The following KLHL4 variants were observed in gnomAD, a reference collection of about 807,000 sequenced individuals.
KLHL4 encodes the protein kelch-like protein 4.
KLHL4 carries 17 observed loss-of-function variants against 45.8 expected under a neutral mutation model. The observed-to-expected ratio is 0.37, with a 90% CI of 0.25 to 0.56. The LOEUF (loss-of-function observed/expected upper bound fraction) is 0.56. KLHL4 is among the 20% of genes least tolerant of loss of function. The pLI is 0.79. For synonymous variants in KLHL4, 224 were observed against 189.9 expected (o/e 1.18, Z -1.47); for missense variants, 544 against 544.9 (o/e 1.00, Z 0.02).
intron 1 of KLHL4, among the ~76,000 whole-genome samples, chrX:87,559,910 G>A (rs1448680817): frequency 9.0e-6 from 1 of 111,508 alleles, no homozygotes; most frequent in African/African-American, 3.3e-5. Flanking sequence ...AAGCCATAAT[G>A]TATTCTGTAA....
intron 1 of KLHL4, among the ~76,000 whole-genome samples, chrX:87,556,787 C>G (rs1312905546): frequency 1.8e-5 from 2 of 110,455 alleles, no homozygotes; most frequent in Admixed American, 2.0e-4. Flanking sequence ...TGCCATATCA[C>G]ATGGCAGAGT....
intron 1 of KLHL4, among the ~76,000 whole-genome samples, chrX:87,569,999 C>T (rs1405794940): frequency 2.7e-5 from 3 of 111,192 alleles, no homozygotes; most frequent in Non-Finnish European, 5.7e-5. Flanking sequence ...AATTTTACCA[C>T]AATAACAATT....
intron 1 of KLHL4, among the ~76,000 whole-genome samples, chrX:87,579,561 A>G (rs925721419): frequency 1.8e-5 from 2 of 111,794 alleles, no homozygotes; most frequent in African/African-American, 6.5e-5. Context: ...TAAAAAGTCT[A>G]GGAGAGAGAA....
Position 87,666,779 on chromosome X carries a change from A to G in KLHL4, c.*245A>G, listed in dbSNP as rs1480534871. On this transcript the variant is annotated 3_prime_UTR_variant, in exon 11 of 11. Coordinates refer to ENST00000373119, the MANE Select transcript of KLHL4 (RefSeq NM_019117.5). Reference sequence around the variant, plus strand: ...AGCTGATAATATAAAAGGAAATCCCACAGTCTAGATATAGCCCCATTACTA... The same window carrying G: ...AGCTGATAATATAAAAGGAAATCCCGCAGTCTAGATATAGCCCCATTACTA... The G allele has an allele frequency of 3.3e-6, 3 of 904,063 alleles. No individual in the cohort carries two copies. The highest frequency in any genetic ancestry group is 5.9e-5 in the Admixed American group (1 of 16,865). The allele number at this position is 904,063 out of a possible 1,213,427, so 74.5% of individuals were successfully genotyped here.
chrX:87,530,104 T>C (rs1931217603), intron 1 of KLHL4, among the ~76,000 whole-genome samples: 1 of 111,195 alleles, frequency 9.0e-6, no homozygotes, highest in Admixed American at 9.6e-5. Flanking sequence ...TTTCTTTTGC[T>C]GTGCAGAAGC....
intron 9 of KLHL4, among the ~76,000 whole-genome samples, chrX:87,643,557 A>G (rs952470169): frequency 2.7e-5 from 3 of 111,811 alleles, no homozygotes; most frequent in African/African-American, 9.8e-5. Context: ...AATTCATTCT[A>G]TGAAGCCAGC....
Position 87,668,581 on chromosome X carries a change from TGA to T in KLHL4, c.*2051_*2052del. 1 of 502,211 alleles carries T rather than the reference TGA, an allele frequency of 2.0e-6. No individual in the cohort carries two copies. The highest frequency in any genetic ancestry group is 2.4e-6 in the Non-Finnish European group (1 of 409,272). 41.4% of individuals were successfully genotyped at this position (502,211 alleles called of 1,213,427 possible). ...AACTTAACTCCTAATGTAGCAGTAC[TGA>T]GAGGCAGGGCCCTTAAGAGGTGATT... is the stretch of plus-strand genomic sequence containing the variant. On this transcript the variant is annotated 3_prime_UTR_variant, in exon 11 of 11. Transcript: ENST00000373119.
At chrX:87,604,379 G>A (rs998388608) in intron 1 of KLHL4, among the ~76,000 whole-genome samples, 2 of 110,920 alleles carry the variant, frequency 1.8e-5, no homozygotes, top group Admixed American at 1.9e-4. Context: ...TTATAATCAT[G>A]CCAACAGTGT....
At chrX:87,578,273 T>TA (rs1356641315) in intron 1 of KLHL4, among the ~76,000 whole-genome samples, 1 of 111,818 alleles carries the variant, frequency 8.9e-6, no homozygotes, top group Non-Finnish European at 1.9e-5. Context: ...ATAAAATATA[T>TA]TTTCCTCATT....
At chrX:87,530,191 C>A (rs1931220926) in intron 1 of KLHL4, among the ~76,000 whole-genome samples, 1 of 110,108 alleles carries the variant, frequency 9.1e-6, no homozygotes, top group Non-Finnish European at 1.9e-5. Context: ...ACATGAAGTC[C>A]TTGCCCATGC....
intron 1 of KLHL4, among the ~76,000 whole-genome samples, chrX:87,536,411 T>C (rs976636306): frequency 1.8e-5 from 2 of 111,449 alleles, no homozygotes; most frequent in African/African-American, 6.5e-5. Context: ...GAAATTCCCT[T>C]TGTCATCCCT....
intron 9 of KLHL4, among the ~76,000 whole-genome samples, chrX:87,642,174 G>A (rs1203724119): frequency 1.8e-5 from 2 of 110,423 alleles, no homozygotes; most frequent in African/African-American, 6.6e-5. Flanking sequence ...AGAGGCACTG[G>A]TATCCATGTT....
At chrX:87,649,420 G>A (rs1602464257) in intron 9 of KLHL4, among the ~76,000 whole-genome samples, 2 of 111,271 alleles carry the variant, frequency 1.8e-5, no homozygotes. Flanking sequence ...CTGGAAATTA[G>A]TCCCTTATCA....
Position 87,635,551 on chromosome X carries a change from CT to C in KLHL4, c.1713-7del. 1 of 1,186,726 alleles carries C rather than the reference CT, an allele frequency of 8.4e-7. No individual in the cohort carries two copies. Among genetic ancestry groups the C allele is most frequent in the Non-Finnish European group, 1.1e-6 (1 of 874,202 alleles). ...CACATATACATACACACAATTCTGTCTTTTTATCTAGATTATATGCTATTGG... is the reference window on the plus strand; with the variant it reads ...CACATATACATACACACAATTCTGTCTTTTATCTAGATTATATGCTATTGG... On this transcript the variant is annotated splice_polypyrimidine_tract_variant and intron_variant, in intron 8 of 10. Coordinates refer to ENST00000373119, the MANE Select transcript of KLHL4 (RefSeq NM_019117.5).
At chrX:87,554,785 T>G (rs1931929528) in intron 1 of KLHL4, among the ~76,000 whole-genome samples, 2 of 100,763 alleles carry the variant, frequency 2.0e-5, no homozygotes, top group African/African-American at 7.3e-5. Context: ...AGGGCATCCC[T>G]GTCTTGTGCC....
chrX:87,635,672 G>A lies in KLHL4; in HGVS notation c.1822G>A (p.Gly608Arg). ...SLCAPMSKRR[G>R]GVGVATYNGF... Reference sequence around the variant, plus strand: ...GTGTGCTCCAATGTCCAAAAGACGTGGAGGTGTGGGAGTTGCCACATACAA... The same window carrying A: ...GTGTGCTCCAATGTCCAAAAGACGTAGAGGTGTGGGAGTTGCCACATACAA... Residue 608 changes from glycine to arginine, a missense_variant, in exon 9 of 11, where the codon GGA becomes AGA. Physicochemically the swap from Gly to Arg is moderately radical, Grantham distance 125. Transcript: ENST00000373119. The A allele has an allele frequency of 2.5e-6, 3 of 1,209,425 alleles. No homozygotes were observed. The highest frequency in any genetic ancestry group is 1.7e-5 in the African/African-American group (1 of 57,838).
chrX:87,566,819 GA>G lies in KLHL4; in HGVS notation c.423-47052del, dbSNP rs1241914606. ...ATGAAATAAGTCATATTAATATAAT[GA>G]AAAAAGATCATTACAATCTCTATGC... On this transcript the variant is annotated intron_variant, in intron 1 of 10. Coordinates refer to ENST00000373119, the MANE Select transcript of KLHL4 (RefSeq NM_019117.5). 3.6e-5 allele frequency among the ~76,000 whole-genome samples: 4 copies of G among 111,272 alleles called. No individual in the cohort carries two copies. The East Asian group carries it at 1.1e-3, about 32-fold the overall frequency.
In KLHL4 at chrX:87,591,970, T is replaced by A. The variant is rs143316650; in HGVS notation, c.423-21907T>A. On this transcript the variant is annotated intron_variant, in intron 1 of 10. Coordinates refer to ENST00000373119, the MANE Select transcript of KLHL4 (RefSeq NM_019117.5). ...GATATTAACTCTATGAAACTATATT[T>A]TTGTGCCCATTAACCATCCAAACTT... 1.3e-4 allele frequency among the ~76,000 whole-genome samples: 14 copies of A among 110,991 alleles called. No homozygotes were observed. The East Asian group carries it at 4.0e-3, about 32-fold the overall frequency.
intron 1 of KLHL4, among the ~76,000 whole-genome samples, chrX:87,562,661 C>G (rs948451849): frequency 9.0e-6 from 1 of 110,798 alleles, no homozygotes; most frequent in African/African-American, 3.3e-5. Flanking sequence ...CGTGCCATCT[C>G]TAGACACACC....
Sources: gnomAD v4.1 joint callset for allele counts (sites outside exome capture counted in the v4.1 genomes callset) on GRCh38, gnomAD v4.1.1 for gene constraint, MANE v1.5 for transcripts, NCBI Gene and HGNC (gene_info 2026-07-23, HGNC 2026-07-21) for gene names.